Variants in TESMIN observed in about 807,000 individuals in gnomAD.
TESMIN encodes testis expressed metallothionein like protein.
In TESMIN, 34 loss-of-function variants were observed where a neutral mutation model predicts 47.4. The observed-to-expected ratio is 0.72, with a 90% confidence interval of 0.55 to 0.96. The LOEUF (loss-of-function observed/expected upper bound fraction) is 0.96. Among genes scored for constraint, TESMIN ranks in the 40% least tolerant of loss-of-function variants. The pLI is 0.00. For missense variants in TESMIN, 610 were observed against 637.2 expected (o/e 0.96, Z 0.46); for synonymous variants, 278 against 258.9 (o/e 1.07, Z -0.71).
chr11:68,706,451 C>T (rs1945998950), downstream of TESMIN, among the ~76,000 whole-genome samples: 2 of 152,368 alleles, frequency 1.3e-5, no homozygotes, highest in South Asian at 2.1e-4. Flanking sequence ...TCCCTGCTCA[C>T]ACTTCCTCTG....
chr11:68,706,979 C>G (rs971185162), downstream of TESMIN, among the ~76,000 whole-genome samples: 11 of 152,214 alleles, frequency 7.2e-5, no homozygotes, highest in Non-Finnish European at 1.5e-4. Context: ...AGCAGTGCGC[C>G]TCCCTGTTCG....
chr11:68,710,535 T>A (rs1033796538), intron 9 of TESMIN: 1 of 240,796 alleles, frequency 4.2e-6, no homozygotes, highest in East Asian at 8.8e-5. Context: ...TGGGTCGTTG[T>A]GGCTCTATAT....
Position 68,750,257 on chromosome 11 carries a change from G to C in TESMIN, c.404C>G (p.Pro135Arg), listed in dbSNP as rs767229938. The change falls in exon 2 of 10, where the codon CCG becomes CGG. Residue 135 changes from proline to arginine, a missense_variant. Coordinates refer to ENST00000255087, the MANE Select transcript of TESMIN (RefSeq NM_004923.3). ...LSSLLPAHRS[P>R]AVLPLGAWVL... Reference sequence around the variant, plus strand: ...CCAGGCGCCCAGGGGCAACACCGCCGGGCTGCGGTGCGCGGGTAGCAGCGA... The same window carrying C: ...CCAGGCGCCCAGGGGCAACACCGCCCGGCTGCGGTGCGCGGGTAGCAGCGA... The C allele has an allele frequency of 1.5e-5, 23 of 1,543,038 alleles. No individual in the cohort carries two copies. Among genetic ancestry groups the C allele is most frequent in the Admixed American group, 4.0e-5 (2 of 50,350 alleles).
At chr11:68,728,181 G>A (rs577632872) in intron 6 of TESMIN, among the ~76,000 whole-genome samples, 11 of 152,174 alleles carry the variant, frequency 7.2e-5, no homozygotes, top group Non-Finnish European at 1.5e-4. Flanking sequence ...AAGGCATGTC[G>A]AAAGCCAAGA....
At chr11:68,720,186 G>C (rs140125505) in intron 6 of TESMIN, among the ~76,000 whole-genome samples, 190 of 152,164 alleles carry the variant, frequency 1.2e-3, no homozygotes, top group African/African-American at 4.4e-3. Context: ...CGAGGTCCAG[G>C]CTAGGCACAC....
chr11:68,715,084 A>G (rs1342371108), intron 7 of TESMIN, among the ~76,000 whole-genome samples: 11 of 152,236 alleles, frequency 7.2e-5, no homozygotes, highest in Non-Finnish European at 1.5e-5. Flanking sequence ...AAAACAATGC[A>G]GAGAGCAGCC....
chr11:68,750,960 G>GCCTCGC (rs1946595749), intron 1 of TESMIN, among the ~76,000 whole-genome samples: 1 of 110,674 alleles, frequency 9.0e-6, no homozygotes, highest in Non-Finnish European at 1.8e-5. Context: ...GTGAGGGGCG[G>GCCTCGC]CCAGGTGAGG....
At position 68,738,705 on chromosome 11, in the gene TESMIN, C is replaced by T. The variant is rs1354844782; in HGVS notation, c.912G>A (p.Leu304=). 1.2e-6 allele frequency: 2 copies of T among 1,613,974 alleles called. No individual in the cohort carries two copies. Among genetic ancestry groups the T allele is most frequent in the Non-Finnish European group, 1.7e-6 (2 of 1,179,912 alleles). ...STLPGPPKIT[L]AGYCDCFASG... ...GTATTGCTTCTAATCCTTACCCAGC[C>T]AAAGTTATTTTTGGTGGTCCTGGAA... Residue 304 remains leucine (L), a synonymous_variant, in exon 6 of 10, where the codon TTG becomes TTA. Transcript: ENST00000255087.
chr11:68,708,253 TAAA>T lies in TESMIN; in HGVS notation c.*52_*54del. ...CTCATGTTCCCCTAAACATCCTTTC[TAAA>T]CTAGAGATTTCTAGACTAAGACAAA... On this transcript the variant is annotated 3_prime_UTR_variant, in exon 10 of 10. Transcript: ENST00000255087. 6.7e-7 allele frequency: 1 copy of T among 1,497,088 alleles called. No homozygotes were observed. The highest frequency in any genetic ancestry group is 9.0e-7 in the Non-Finnish European group (1 of 1,109,160). The allele number at this position is 1,497,088 out of a possible 1,614,324, so 92.7% of individuals were successfully genotyped here. A position where few individuals can be genotyped will look rare whatever the true frequency, so the allele number is the denominator to read the frequency against.
intron 4 of TESMIN, among the ~76,000 whole-genome samples, chr11:68,743,528 C>T (rs549855782): frequency 3.8e-4 from 58 of 152,172 alleles, no homozygotes; most frequent in African/African-American, 1.2e-3. Flanking sequence ...GGATTATAGG[C>T]GTGAGCCACG....
rs188648305 is a variant in TESMIN, at chr11:68,740,352, T to C, written c.829-1564A>G. ...TCTCGAGAAGCAGCAAATGCATTGC[T>C]AAAAGAATTGTCCTTGAGGTCCATG... On this transcript the variant is annotated intron_variant, in intron 5 of 9. Transcript: ENST00000255087. 2.3e-3 allele frequency among the ~76,000 whole-genome samples: 351 copies of C among 152,170 alleles called. 1 individual carries two copies. The highest frequency in any genetic ancestry group is 3.7e-3 in the Non-Finnish European group (252 of 68,010).
At chr11:68,743,602 T>C (rs548335161) in intron 4 of TESMIN, among the ~76,000 whole-genome samples, 51 of 152,284 alleles carry the variant, frequency 3.3e-4, no homozygotes, top group African/African-American at 1.2e-3. Context: ...GTTGTTTGGA[T>C]ATAAATACTT....
intron 4 of TESMIN, among the ~76,000 whole-genome samples, chr11:68,743,684 A>G (rs950127917): frequency 2.6e-5 from 4 of 152,182 alleles, no homozygotes; most frequent in Non-Finnish European, 5.9e-5. Context: ...AGTGCCATGA[A>G]AAACATTCTT....
At chr11:68,716,563 C>T (rs1256790641) in intron 6 of TESMIN, among the ~76,000 whole-genome samples, 3 of 152,216 alleles carry the variant, frequency 2.0e-5, no homozygotes, top group Non-Finnish European at 2.9e-5. Context: ...GGAGTGGACA[C>T]CACCATGCCC....
rs770783365 is a variant in TESMIN at position 68,745,122 on chromosome 11, A to G, written c.631-11T>C. The G allele has an allele frequency of 1.9e-6, 3 of 1,576,104 alleles. No homozygotes were observed. The highest frequency in any genetic ancestry group is 1.2e-5 in the South Asian group (1 of 82,632). On this transcript the variant is annotated splice_polypyrimidine_tract_variant and intron_variant, in intron 3 of 9. Transcript: ENST00000255087. ...CAATTGGCATATCACCTAAAATGAA[A>G]AAGAACAATCAGGTTTCATTTTTGA...
At chr11:68,731,474 A>T (rs1196059681) in intron 6 of TESMIN, among the ~76,000 whole-genome samples, 1 of 152,094 alleles carries the variant, frequency 6.6e-6, no homozygotes, top group Non-Finnish European at 1.5e-5. Context: ...ATGTGTTTTT[A>T]TCTCTATTGA....
At chr11:68,744,439 G>A (rs553634331) in intron 4 of TESMIN, among the ~76,000 whole-genome samples, 1 of 152,242 alleles carries the variant, frequency 6.6e-6, no homozygotes, top group South Asian at 2.1e-4. Flanking sequence ...GTACTTACAG[G>A]TCATTTCTTA....
intron 7 of TESMIN, 96 bp downstream of exon 7, chr11:68,715,740 GT>G: frequency 1.1e-6 from 1 of 907,088 alleles, no homozygotes; most frequent in Non-Finnish European, 1.7e-6. Flanking sequence ...AAAACTGTGG[GT>G]TTTTTCCAAT....
intron 6 of TESMIN, among the ~76,000 whole-genome samples, chr11:68,719,037 C>T (rs978175479): frequency 2.6e-5 from 4 of 152,202 alleles, no homozygotes; most frequent in African/African-American, 9.6e-5. Flanking sequence ...CTCCAGGAGT[C>T]AGGAGCCCAA....
Sources: gnomAD v4.1 joint callset for allele counts (sites outside exome capture counted in the v4.1 genomes callset) on GRCh38, gnomAD v4.1.1 for gene constraint, MANE v1.5 for transcripts, NCBI Gene and HGNC (gene_info 2026-07-23, HGNC 2026-07-21) for gene names.